TULP4: variants seen among roughly 807,000 people sequenced by gnomAD.
TULP4 encodes tubby-related protein 4.
Under a neutral mutation model 129.0 loss-of-function variants are expected in TULP4, and 16 were observed. The ratio of observed to expected loss-of-function variants is 0.12; its 90% CI spans 0.08 to 0.19. The LOEUF (loss-of-function observed/expected upper bound fraction) is 0.19. Among genes scored for constraint, TULP4 ranks in the 10% least tolerant of loss-of-function variants. TULP4 has a pLI of 1.00. For synonymous variants in TULP4, 998 were observed against 854.0 expected (o/e 1.17, Z -2.94); for missense variants, 1,842 against 2,059.1 (o/e 0.89, Z 2.04).
chr6:158,238,436 T>C (rs1317054930), intron 1 of TULP4: 7 of 460,342 alleles, frequency 1.5e-5, no homozygotes, highest in African/African-American at 1.0e-4. Flanking sequence ...TTTTTTTAAA[T>C]TTATTTTTTT....
chr6:158,349,801 G>A (rs1160661052), intron 1 of TULP4, among the ~76,000 whole-genome samples: 1 of 144,522 alleles, frequency 6.9e-6, no homozygotes, highest in East Asian at 2.1e-4. Context: ...GGGCGGCCGG[G>A]CAGAGGCGCT....
intron 1 of TULP4, among the ~76,000 whole-genome samples, chr6:158,255,611 T>TA (rs1399270426): frequency 2.0e-5 from 3 of 152,154 alleles, no homozygotes; most frequent in Non-Finnish European, 4.4e-5. Context: ...CTGGAACTGT[T>TA]ACAATTGTTT....
intron 1 of TULP4, among the ~76,000 whole-genome samples, chr6:158,386,043 C>T (rs1418587881): frequency 1.3e-5 from 2 of 151,786 alleles, no homozygotes; most frequent in Non-Finnish European, 2.9e-5. Flanking sequence ...CAGGGTCTCA[C>T]TTTGTTGCTC....
chr6:158,418,102 T>G lies in TULP4; in HGVS notation c.381+4909T>G, dbSNP rs1164629384. Among the ~76,000 whole-genome samples, 166 of 132,558 alleles carry G rather than the reference T, an allele frequency of 1.3e-3. 1 individual carries two copies. The highest frequency in any genetic ancestry group is 5.4e-3 in the East Asian group (28 of 5,142). 87.0% of individuals were successfully genotyped at this position (132,558 alleles called of 152,430 possible). On this transcript the variant is annotated intron_variant, in intron 2 of 13. Coordinates refer to ENST00000367097, the MANE Select transcript of TULP4 (RefSeq NM_020245.5). ...TTCTGCCTTTTTGTGTGTGTGTGTT[T>G]TTTTTTTTTTTTTTGGGAGCGGGGG...
intron 3 of TULP4, among the ~76,000 whole-genome samples, chr6:158,435,038 C>G (rs1419604840): frequency 6.6e-6 from 1 of 152,232 alleles, no homozygotes; most frequent in Non-Finnish European, 1.5e-5. Context: ...AGAACTCTTC[C>G]CAGGCTGCGG....
At chr6:158,456,257 A>G (rs1392344749) in intron 5 of TULP4, among the ~76,000 whole-genome samples, 1 of 152,232 alleles carries the variant, frequency 6.6e-6, no homozygotes, top group Admixed American at 6.5e-5. Flanking sequence ...TGGGGAAAGC[A>G]GGAGATCAGA....
At chr6:158,332,498 G>GC (rs1458111229) in intron 1 of TULP4, among the ~76,000 whole-genome samples, 1 of 152,080 alleles carries the variant, frequency 6.6e-6, no homozygotes, top group Non-Finnish European at 1.5e-5. Context: ...TGGGCAGAGG[G>GC]CCTTCAAAGT....
chr6:158,412,339 C>T (rs1027229453), intron 1 of TULP4, among the ~76,000 whole-genome samples: 16 of 152,168 alleles, frequency 1.1e-4, no homozygotes, highest in Admixed American at 9.2e-4. Context: ...CTCAGTCCCT[C>T]GCTACTTTTA....
At chr6:158,306,132 A>G (rs1779213604) in intron 1 of TULP4, among the ~76,000 whole-genome samples, 1 of 152,212 alleles carries the variant, frequency 6.6e-6, no homozygotes, top group African/African-American at 2.4e-5. Context: ...TGTCTAGCAT[A>G]TATGGCGTTT....
intron 2 of TULP4, among the ~76,000 whole-genome samples, chr6:158,415,872 C>G (rs1238690191): frequency 1.3e-5 from 2 of 152,062 alleles, no homozygotes; most frequent in African/African-American, 2.4e-5. Flanking sequence ...CACACGATCA[C>G]GAGGTAAAAT....
chr6:158,268,893 G>T (rs1384352311), intron 1 of TULP4, among the ~76,000 whole-genome samples: 2 of 151,770 alleles, frequency 1.3e-5, no homozygotes, highest in East Asian at 3.9e-4. Flanking sequence ...GAGCATCTTT[G>T]GCTTAATCCT....
upstream of TULP4, among the ~76,000 whole-genome samples, chr6:158,281,171 G>T (rs944982492): frequency 6.6e-6 from 1 of 150,868 alleles, no homozygotes; most frequent in Non-Finnish European, 1.5e-5. Flanking sequence ...GTATCTCAGC[G>T]AGGTAATTCA....
At chr6:158,439,540 A>G (rs1188447154) in intron 3 of TULP4, among the ~76,000 whole-genome samples, 1 of 151,918 alleles carries the variant, frequency 6.6e-6, no homozygotes, top group Non-Finnish European at 1.5e-5. Context: ...TCCTTCCAGG[A>G]GCCTGCTGGT....
At chr6:158,371,014 G>C (rs1460837475) in intron 1 of TULP4, among the ~76,000 whole-genome samples, 2 of 152,180 alleles carry the variant, frequency 1.3e-5, no homozygotes, top group Admixed American at 1.3e-4. Flanking sequence ...TCCCTTACAG[G>C]CTCCTGCCAG....
At chr6:158,403,420 A>G (rs1015517269) in intron 1 of TULP4, among the ~76,000 whole-genome samples, 1 of 150,320 alleles carries the variant, frequency 6.7e-6, no homozygotes, top group East Asian at 1.9e-4. Context: ...GCTCACCACA[A>G]CCTCCGCCTC....
chr6:158,313,821 A>G lies in TULP4; in HGVS notation c.-196A>G. On this transcript the variant is annotated 5_prime_UTR_variant, in exon 1 of 14. Coordinates refer to ENST00000367097, the MANE Select transcript of TULP4 (RefSeq NM_020245.5). ...AGAAGACTGCCATCATCTTTTATAG[A>G]GGAATTTTTTCACTATGCATTCGGT... The G allele has an allele frequency of 1.7e-6, 1 of 593,578 alleles. No individual in the cohort carries two copies. The highest frequency in any genetic ancestry group is 2.9e-6 in the Non-Finnish European group (1 of 348,588). 36.8% of individuals were successfully genotyped at this position (593,578 alleles called of 1,614,324 possible). A position where few individuals can be genotyped will look rare whatever the true frequency, so the allele number is the denominator to read the frequency against.
At chr6:158,468,881 T>C (rs1003698334) in intron 6 of TULP4, among the ~76,000 whole-genome samples, 4 of 152,120 alleles carry the variant, frequency 2.6e-5, no homozygotes, top group Admixed American at 2.0e-4. Context: ...TTAATCTCTT[T>C]TATAAGGGCA....
At chr6:158,466,266 AG>A (rs1354716762) in intron 6 of TULP4, among the ~76,000 whole-genome samples, 1 of 152,154 alleles carries the variant, frequency 6.6e-6, no homozygotes, top group African/African-American at 2.4e-5. Context: ...TTCAGTCGAT[AG>A]GGGGCTTAGG....
chr6:158,411,100 C>T (rs1002666798), intron 1 of TULP4, among the ~76,000 whole-genome samples: 3 of 134,068 alleles, frequency 2.2e-5, no homozygotes, highest in Non-Finnish European at 4.6e-5. Context: ...CGAGGCTATG[C>T]GGTCGAGGCC....
Sources: gnomAD v4.1 joint callset for allele counts (sites outside exome capture counted in the v4.1 genomes callset) on GRCh38, gnomAD v4.1.1 for gene constraint, MANE v1.5 for transcripts, NCBI Gene and HGNC (gene_info 2026-07-23, HGNC 2026-07-21) for gene names.